The following AFAP1 variants were observed in gnomAD, a reference collection of about 807,000 sequenced individuals.
The protein encoded by AFAP1 is actin filament-associated protein 1.
A neutral mutation model predicts 93.9 loss-of-function variants in AFAP1; 75 were observed. That is an observed-to-expected ratio of 0.80 (90% confidence interval 0.66 to 0.97). The LOEUF (loss-of-function observed/expected upper bound fraction) is 0.97. Among genes scored for constraint, AFAP1 ranks in the 50% least tolerant of loss-of-function variants. The probability of loss-of-function intolerance (pLI) is 0.00; values close to 1 mark genes in which losing one functional copy is unlikely to be tolerated. For synonymous variants in AFAP1, 517 were observed against 430.7 expected (o/e 1.20, Z -2.48); for missense variants, 1,201 against 1,050.8 (o/e 1.14, Z -1.98).
At chr4:7,933,490 T>C (rs1413419084) in intron 1 of AFAP1, among the ~76,000 whole-genome samples, 2 of 152,108 alleles carry the variant, frequency 1.3e-5, no homozygotes, top group African/African-American at 2.4e-5. Context: ...GGAGAATCAC[T>C]TGAACCCCAG....
intron 3 of AFAP1, among the ~76,000 whole-genome samples, chr4:7,866,970 T>A (rs920298784): frequency 6.6e-6 from 1 of 150,626 alleles, no homozygotes; most frequent in Non-Finnish European, 1.5e-5. Flanking sequence ...GTCCAAGATG[T>A]TGAGGCTGTA....
Position 7,809,645 on chromosome 4 carries a change from G to A in AFAP1, c.1023C>T (p.Thr341=). ...GKKKPSTDEQ[T]SSAEEDVPTC... ...TGGGAACATCTTCCTCAGCTGAGGA[G>A]GTCTGCTCGTCTGTGGACGGCTTTT... Residue 341 remains threonine, a synonymous_variant, in exon 9 of 18, where the codon ACC becomes ACT. Coordinates refer to ENST00000420658, the MANE Select transcript of AFAP1 (RefSeq NM_001134647.2). 6.2e-7 allele frequency: 1 copy of A among 1,613,886 alleles called. No homozygotes were observed. Among genetic ancestry groups the A allele is most frequent in the Non-Finnish European group, 8.5e-7 (1 of 1,179,944 alleles).
intron 9 of AFAP1, among the ~76,000 whole-genome samples, chr4:7,808,065 C>A (rs1432851490): frequency 6.6e-6 from 1 of 152,110 alleles, no homozygotes; most frequent in African/African-American, 2.4e-5. Context: ...ATAACGGGTG[C>A]TCAATAAGGG....
intron 1 of AFAP1, among the ~76,000 whole-genome samples, chr4:7,883,749 T>C (rs1210828136): frequency 6.6e-6 from 1 of 152,164 alleles, no homozygotes; most frequent in East Asian, 1.9e-4. Flanking sequence ...TTTAAATAAT[T>C]TAGCAAGAAA....
chr4:7,877,395 C>G (rs965841915), intron 1 of AFAP1, among the ~76,000 whole-genome samples: 5 of 152,236 alleles, frequency 3.3e-5, no homozygotes, highest in African/African-American at 1.2e-4. Flanking sequence ...ATAAGAACTC[C>G]TGTGTCAGCT....
chr4:7,846,712 G>C (rs1713745808), intron 4 of AFAP1, among the ~76,000 whole-genome samples: 1 of 152,172 alleles, frequency 6.6e-6, no homozygotes. Flanking sequence ...CACAGCAGGT[G>C]CTAGGATAAA....
chr4:7,844,968 G>A (rs1050295408), intron 4 of AFAP1, among the ~76,000 whole-genome samples: 1 of 152,268 alleles, frequency 6.6e-6, no homozygotes, highest in Non-Finnish European at 1.5e-5. Context: ...CAAAATGGCA[G>A]AGTCTGCACA....
At chr4:7,920,704 T>C (rs1720390716) in intron 1 of AFAP1, among the ~76,000 whole-genome samples, 2 of 152,166 alleles carry the variant, frequency 1.3e-5, no homozygotes, top group South Asian at 4.1e-4. Context: ...AAAAGACAAA[T>C]AGCCTGGGCT....
At chr4:7,912,140 T>C (rs1719767806) in intron 1 of AFAP1, among the ~76,000 whole-genome samples, 2 of 152,228 alleles carry the variant, frequency 1.3e-5, no homozygotes, top group South Asian at 2.1e-4. Context: ...AAGGACGTCA[T>C]TAACTATTGC....
chr4:7,802,453 C>T (rs1430451599), intron 9 of AFAP1, among the ~76,000 whole-genome samples: 3 of 152,130 alleles, frequency 2.0e-5, no homozygotes, highest in Non-Finnish European at 2.9e-5. Flanking sequence ...TGAAGGAGGA[C>T]GTTAACTCCC....
In AFAP1 at chr4:7,785,783, A is replaced by C. The variant is rs111577016; in HGVS notation, c.1530+411T>G. ...GAGATCCCATCTCTACTAAAAATAA[A>C]ACAAATGAGTGGGATGTGGTGGTGT... On this transcript the variant is annotated intron_variant, in intron 12 of 17. Coordinates refer to ENST00000420658, the MANE Select transcript of AFAP1 (RefSeq NM_001134647.2). Among the ~76,000 whole-genome samples the C allele has an allele frequency of 6.8e-3, 1,034 of 152,208 alleles. 8 individuals are homozygous for C. The highest frequency in any genetic ancestry group is 0.024 in the African/African-American group (995 of 41,520).
At chr4:7,912,514 G>T (rs1477211540) in intron 1 of AFAP1, among the ~76,000 whole-genome samples, 1 of 152,166 alleles carries the variant, frequency 6.6e-6, no homozygotes, top group African/African-American at 2.4e-5. Context: ...GTATAGTGAT[G>T]TGGCTTTAGC....
chr4:7,898,702 T>C (rs1375572964), intron 1 of AFAP1, among the ~76,000 whole-genome samples: 1 of 150,798 alleles, frequency 6.6e-6, no homozygotes, highest in Non-Finnish European at 1.5e-5. Flanking sequence ...ACCCATCCTG[T>C]CTTTCCCCTG....
intron 7 of AFAP1, among the ~76,000 whole-genome samples, chr4:7,817,249 G>A (rs1374576276): frequency 6.6e-6 from 1 of 152,164 alleles, no homozygotes; most frequent in Non-Finnish European, 1.5e-5. Context: ...GTAATAGGCA[G>A]AGAATCAGCA....
chr4:7,928,003 C>G (rs1432410232), intron 1 of AFAP1, among the ~76,000 whole-genome samples: 1 of 152,158 alleles, frequency 6.6e-6, no homozygotes, highest in Non-Finnish European at 1.5e-5. Context: ...CTATACTATA[C>G]AAACCAATGC....
chr4:7,870,915 G>A (rs563064541), intron 2 of AFAP1, among the ~76,000 whole-genome samples: 1 of 152,268 alleles, frequency 6.6e-6, no homozygotes, highest in African/African-American at 2.4e-5. Flanking sequence ...TTTAAATGGT[G>A]AAGTGTATGG....
intron 4 of AFAP1, among the ~76,000 whole-genome samples, chr4:7,844,815 C>T (rs958893223): frequency 6.6e-6 from 1 of 152,232 alleles, no homozygotes; most frequent in Admixed American, 6.5e-5. Context: ...GAGACAGGAT[C>T]TGATTCATCT....
intron 1 of AFAP1, among the ~76,000 whole-genome samples, chr4:7,905,428 G>C (rs74840998): frequency 6.6e-6 from 1 of 152,184 alleles, no homozygotes; most frequent in Non-Finnish European, 1.5e-5. Flanking sequence ...ACCACAAAAG[G>C]ATAATACATT....
At chr4:7,865,207 AAC>A (rs1716265501) in intron 3 of AFAP1, among the ~76,000 whole-genome samples, 1 of 152,204 alleles carries the variant, frequency 6.6e-6, no homozygotes, top group African/African-American at 2.4e-5. Context: ...CCTACATCAA[AAC>A]ACAGTGATTT....
Sources: allele counts gnomAD v4.1 joint callset (sites outside exome capture counted in the v4.1 genomes callset), GRCh38; gene constraint gnomAD v4.1.1; transcripts MANE v1.5; gene names NCBI Gene and HGNC (gene_info 2026-07-23, HGNC 2026-07-21).